NAV3: variants seen among roughly 807,000 people sequenced by gnomAD.
NAV3 encodes pore membrane and/or filament interacting like protein 1.
Under a neutral mutation model 244.7 loss-of-function variants are expected in NAV3, and 87 were observed. That is an observed-to-expected ratio of 0.36 (90% confidence interval 0.30 to 0.42). The LOEUF (loss-of-function observed/expected upper bound fraction) is 0.42. NAV3 is among the 20% of genes least tolerant of loss of function. NAV3 has a pLI of 1.00. For missense variants in NAV3, 2,663 were observed against 2,893.3 expected, an observed-to-expected ratio of 0.92 and a Z score of 1.83; for synonymous variants, 1,126 against 1,042.2, an observed-to-expected ratio of 1.08 and a Z score of -1.55.
intron 9 of NAV3, among the ~76,000 whole-genome samples, chr12:78,029,621 C>T (rs1878642050): frequency 6.6e-6 from 1 of 151,832 alleles, no homozygotes; most frequent in African/African-American, 2.4e-5. Flanking sequence ...TGTTTCTTCT[C>T]ACCTAAAAAA....
chr12:77,854,909 C>G (rs1425379207), intron 1 of NAV3, among the ~76,000 whole-genome samples: 1 of 152,018 alleles, frequency 6.6e-6, no homozygotes, highest in Non-Finnish European at 1.5e-5. Context: ...AGGCAGATCA[C>G]GAGGTCAGGA....
chr12:78,179,722 C>T, intron 29 of NAV3, 40 bp downstream of exon 29: 1 of 1,565,358 alleles, frequency 6.4e-7, no homozygotes, highest in Non-Finnish European at 8.6e-7. Flanking sequence ...AATGGAGAAA[C>T]AAAAAAATGC....
At chr12:77,808,924 T>A (rs1872134915) in intron 2 of NAV3, among the ~76,000 whole-genome samples, 1 of 152,198 alleles carries the variant, frequency 6.6e-6, no homozygotes. Flanking sequence ...CTTGCGGAGC[T>A]GCGGTGGGCT....
At chr12:77,883,872 T>C (rs902782014) in intron 1 of NAV3, among the ~76,000 whole-genome samples, 7 of 152,148 alleles carry the variant, frequency 4.6e-5, no homozygotes, top group African/African-American at 1.7e-4. Flanking sequence ...GATGGAAATC[T>C]TTCCTAGAAA....
intron 1 of NAV3, among the ~76,000 whole-genome samples, chr12:77,865,591 CTTA>C (rs1200581115): frequency 1.3e-5 from 2 of 151,884 alleles, no homozygotes; most frequent in African/African-American, 2.4e-5. Context: ...GAGTTTTCTA[CTTA>C]TTATAATTTA....
At chr12:78,037,271 C>T (rs1444473355) in intron 9 of NAV3, 1 of 702,972 alleles carries the variant, frequency 1.4e-6, no homozygotes, top group African/African-American at 1.7e-5. Flanking sequence ...TCAGCAGAAG[C>T]TGGGCTGAAG....
chr12:77,906,352 G>T (rs928684592), intron 1 of NAV3, among the ~76,000 whole-genome samples: 1 of 152,078 alleles, frequency 6.6e-6, no homozygotes, highest in South Asian at 2.1e-4. Flanking sequence ...TTATTGGAAA[G>T]AGCCAGCAGA....
intron 18 of NAV3, among the ~76,000 whole-genome samples, chr12:78,133,101 C>A (rs1956231410): frequency 6.6e-6 from 1 of 152,036 alleles, no homozygotes; most frequent in Non-Finnish European, 1.5e-5. Context: ...TCTGTCGACT[C>A]CCTTATGTTT....
chr12:77,965,094 C>A (rs904476457), intron 3 of NAV3, among the ~76,000 whole-genome samples: 1 of 152,116 alleles, frequency 6.6e-6, no homozygotes, highest in Admixed American at 6.6e-5. Context: ...AGGACCTTGC[C>A]AAGTTATTAA....
chr12:78,062,884 G>A lies in NAV3; in HGVS notation c.2636+3769G>A, dbSNP rs147729407. On this transcript the variant is annotated intron_variant, in intron 12 of 39. Transcript: ENST00000397909. ...AATTCACTGACAAGAAAGCTTAAAAGTCAAAAGAAAAAAAAATCCACAGCA... is the reference window on the plus strand; with the variant it reads ...AATTCACTGACAAGAAAGCTTAAAAATCAAAAGAAAAAAAAATCCACAGCA... Among the ~76,000 whole-genome samples, 440 of 151,788 alleles carry A rather than the reference G, an allele frequency of 2.9e-3. 1 individual carries two copies. Among genetic ancestry groups the A allele is most frequent in the African/African-American group, 0.01 (422 of 41,388 alleles).
At chr12:77,776,725 G>A (rs1435067689) in intron 2 of NAV3, among the ~76,000 whole-genome samples, 1 of 152,132 alleles carries the variant, frequency 6.6e-6, no homozygotes, top group Non-Finnish European at 1.5e-5. Context: ...ATGATTAATA[G>A]GAACGAATAT....
chr12:77,953,177 A>T (rs181018678), intron 3 of NAV3, among the ~76,000 whole-genome samples: 182 of 152,266 alleles, frequency 1.2e-3, no homozygotes, highest in Admixed American at 2.5e-3. Context: ...TTCTCCAATT[A>T]TCAAGTAAAT....
At chr12:77,932,644 T>G (rs1018847152) in intron 1 of NAV3, among the ~76,000 whole-genome samples, 5 of 152,180 alleles carry the variant, frequency 3.3e-5, no homozygotes, top group African/African-American at 1.2e-4. Flanking sequence ...CTTTCTTGAC[T>G]CTAAACTTGA....
At chr12:77,972,311 G>A (rs562157725) in intron 5 of NAV3, among the ~76,000 whole-genome samples, 1 of 151,984 alleles carries the variant, frequency 6.6e-6, no homozygotes, top group Non-Finnish European at 1.5e-5. Context: ...AGTAAAGGTG[G>A]GATTCAGATT....
intron 2 of NAV3, among the ~76,000 whole-genome samples, chr12:77,699,985 T>A (rs2137198338): frequency 6.6e-6 from 1 of 152,262 alleles, no homozygotes; most frequent in South Asian, 2.1e-4. Flanking sequence ...CCCAGCCAGT[T>A]TTGTTTTGGC....
chr12:77,855,001 C>T (rs549248981), intron 1 of NAV3, among the ~76,000 whole-genome samples: 28 of 152,214 alleles, frequency 1.8e-4, no homozygotes, highest in Non-Finnish European at 4.0e-4. Context: ...GTGGCGGGCG[C>T]CTGTAGTCCC....
intron 3 of NAV3, among the ~76,000 whole-genome samples, chr12:77,960,942 A>C (rs1178519820): frequency 6.8e-6 from 1 of 146,606 alleles, no homozygotes; most frequent in Non-Finnish European, 1.5e-5. Flanking sequence ...ATGTGTATAC[A>C]TGCCTATGTC....
chr12:77,635,153 G>A (rs186184849), intron 2 of NAV3, among the ~76,000 whole-genome samples: 1 of 152,124 alleles, frequency 6.6e-6, no homozygotes, highest in Admixed American at 6.5e-5. Flanking sequence ...GCTGGAACCT[G>A]GGAGGCAGAG....
intron 2 of NAV3, among the ~76,000 whole-genome samples, chr12:77,623,610 T>G (rs773586397): frequency 6.6e-5 from 10 of 152,216 alleles, no homozygotes; most frequent in Non-Finnish European, 1.5e-4. Context: ...ATTTTACCGC[T>G]GCTCAGCATT....
Sources: gnomAD v4.1 joint callset for allele counts (sites outside exome capture counted in the v4.1 genomes callset) on GRCh38, gnomAD v4.1.1 for gene constraint, MANE v1.5 for transcripts, NCBI Gene and HGNC (gene_info 2026-07-23, HGNC 2026-07-21) for gene names.